EDA: variants seen among roughly 807,000 people sequenced by gnomAD.
EDA encodes the protein ectodysplasin-A.
EDA carries 2 observed loss-of-function variants against 23.6 expected under a neutral mutation model. The observed-to-expected ratio is 0.08, with a 90% CI of 0.03 to 0.27. The LOEUF is 0.27. Ranked by LOEUF, EDA falls within the 10% of genes least tolerant of loss-of-function variation. The pLI is 1.00. For synonymous variants in EDA, 131 were observed against 132.0 expected, an observed-to-expected ratio of 0.99 and a Z score of 0.05; for missense variants, 229 against 324.2, an observed-to-expected ratio of 0.71 and a Z score of 2.26.
intron 1 of EDA, among the ~76,000 whole-genome samples, chrX:69,856,258 T>G (rs867496751): frequency 1.3e-3 from 98 of 74,606 alleles, no homozygotes; most frequent in Middle Eastern, 7.0e-3. Flanking sequence ...TTCCATGGTG[T>G]GTGTGTGTGT....
At chrX:69,818,780 C>T (rs753719556) in intron 1 of EDA, among the ~76,000 whole-genome samples, 3 of 111,606 alleles carry the variant, frequency 2.7e-5, no homozygotes, top group African/African-American at 6.5e-5. Context: ...CAGAATTCTA[C>T]CAGATGTACA....
At chrX:69,860,813 A>C in intron 1 of EDA, 1 of 519,282 alleles carries the variant, frequency 1.9e-6, no homozygotes, top group Non-Finnish European at 3.5e-6. Context: ...TGATATCCTG[A>C]AATATGTTTT....
intron 1 of EDA, among the ~76,000 whole-genome samples, chrX:69,654,966 A>C (rs1232175082): frequency 1.8e-5 from 2 of 111,171 alleles, no homozygotes; most frequent in East Asian, 5.7e-4. Flanking sequence ...AATTAAAAAA[A>C]AAACAAAAAA....
At chrX:69,738,589 A>G (rs1273648551) in intron 1 of EDA, among the ~76,000 whole-genome samples, 1 of 107,138 alleles carries the variant, frequency 9.3e-6, no homozygotes, top group African/African-American at 3.4e-5. Flanking sequence ...AAAGTTATTG[A>G]CTTCAGATCT....
intron 1 of EDA, among the ~76,000 whole-genome samples, chrX:69,877,169 G>A (rs967752592): frequency 1.8e-5 from 2 of 111,769 alleles, no homozygotes. Context: ...AAATTAGCCA[G>A]GCATGATGGT....
chrX:69,866,708 T>C (rs993922189), intron 1 of EDA, among the ~76,000 whole-genome samples: 1 of 111,816 alleles, frequency 8.9e-6, no homozygotes, highest in South Asian at 3.8e-4. Context: ...TGTCACCTAA[T>C]TGGCATTGTA....
intron 1 of EDA, among the ~76,000 whole-genome samples, chrX:69,674,812 T>C (rs752169159): frequency 9.0e-6 from 1 of 111,272 alleles, no homozygotes; most frequent in African/African-American, 3.3e-5. Context: ...CTTCTTGACT[T>C]TTCTTGTAAC....
intron 1 of EDA, among the ~76,000 whole-genome samples, chrX:69,682,103 T>C (rs949410828): frequency 3.6e-5 from 4 of 112,171 alleles, no homozygotes; most frequent in African/African-American, 1.3e-4. Context: ...AGTCTGCCCC[T>C]GCTGGGGGTG....
At chrX:69,935,427 C>T (rs913099018) in intron 1 of EDA, among the ~76,000 whole-genome samples, 1 of 111,717 alleles carries the variant, frequency 9.0e-6, no homozygotes, top group Non-Finnish European at 1.9e-5. Flanking sequence ...ACAAGGGTTC[C>T]CTATTCTCCA....
chrX:69,709,563 A>G (rs920435426), intron 1 of EDA, among the ~76,000 whole-genome samples: 2 of 112,324 alleles, frequency 1.8e-5, no homozygotes, highest in African/African-American at 6.5e-5. Context: ...TATCAAAAGT[A>G]AAGGAAGGAA....
chrX:69,835,879 A>AC (rs1405233738), intron 1 of EDA, among the ~76,000 whole-genome samples: 1 of 111,444 alleles, frequency 9.0e-6, no homozygotes, highest in Non-Finnish European at 1.9e-5. Context: ...GATGTTGGTG[A>AC]CCTACAGATG....
At chrX:69,622,431 C>T (rs934883096) in intron 1 of EDA, among the ~76,000 whole-genome samples, 1 of 111,865 alleles carries the variant, frequency 8.9e-6, no homozygotes, top group Non-Finnish European at 1.9e-5. Context: ...TAGTAATATC[C>T]GTTGATTTTA....
chrX:69,658,922 T>C (rs1190813775), intron 1 of EDA, among the ~76,000 whole-genome samples: 1 of 111,770 alleles, frequency 8.9e-6, no homozygotes, highest in African/African-American at 3.2e-5. Flanking sequence ...CATTTGTCTT[T>C]ACTCTGATTC....
In EDA at chrX:70,035,452, A is replaced by C; in HGVS notation, c.1019A>C (p.Lys340Thr). Reference sequence around the variant, plus strand: ...TGCACACGCAGCATCGAGACGGGCAAGACCAACTACAACACTTGCTATACC... The same window carrying C: ...TGCACACGCAGCATCGAGACGGGCACGACCAACTACAACACTTGCTATACC... ...LQCTRSIETG[K>T]TNYNTCYTAG... is the part of the protein sequence containing the mutation. Residue 340 changes from lysine (K) to threonine (T), a missense_variant, in exon 8 of 8, where the codon AAG (lysine) becomes ACG (threonine). Physicochemically the swap from Lys to Thr is moderately conservative, Grantham distance 78 (BLOSUM62 -1). Coordinates refer to ENST00000374552, the MANE Select transcript of EDA (RefSeq NM_001399.5). 1 of 1,211,011 alleles carries C rather than the reference A, an allele frequency of 8.3e-7. No individual in the cohort carries two copies. The highest frequency in any genetic ancestry group is 1.1e-6 in the Non-Finnish European group (1 of 895,403).
intron 1 of EDA, among the ~76,000 whole-genome samples, chrX:69,626,735 G>A (rs1161030986): frequency 1.8e-5 from 2 of 111,809 alleles, no homozygotes; most frequent in Non-Finnish European, 3.8e-5. Context: ...GGTTATAGCA[G>A]TGGAACGAAA....
intron 1 of EDA, among the ~76,000 whole-genome samples, chrX:69,782,386 A>C (rs1405582666): frequency 3.5e-5 from 3 of 85,944 alleles, no homozygotes; most frequent in African/African-American, 1.1e-4. Context: ...AAAAAAAAAA[A>C]AAAAAACATT....
At chrX:69,823,502 GA>G (rs2016299617) in intron 1 of EDA, among the ~76,000 whole-genome samples, 1 of 76,995 alleles carries the variant, frequency 1.3e-5, no homozygotes, top group African/African-American at 5.9e-5. Context: ...CTTCTTTTGA[GA>G]AGTGTCTGTT....
At chrX:69,810,504 C>T (rs1225177286) in intron 1 of EDA, among the ~76,000 whole-genome samples, 1 of 106,747 alleles carries the variant, frequency 9.4e-6, no homozygotes, top group Admixed American at 1.0e-4. Flanking sequence ...CACCTGTAAT[C>T]CCAGCACTTT....
At chrX:69,676,381 T>G (rs1403305945) in intron 1 of EDA, among the ~76,000 whole-genome samples, 1 of 111,000 alleles carries the variant, frequency 9.0e-6, no homozygotes, top group African/African-American at 3.3e-5. Flanking sequence ...TAAAAGATTG[T>G]TGGATTCTGA....
Sources: allele counts gnomAD v4.1 joint callset (sites outside exome capture counted in the v4.1 genomes callset), GRCh38; gene constraint gnomAD v4.1.1; transcripts MANE v1.5; gene names NCBI Gene and HGNC (gene_info 2026-07-23, HGNC 2026-07-21).